SIRT5: variants seen among roughly 807,000 people sequenced by gnomAD.
SIRT5 encodes the protein sirtuin 5.
A neutral mutation model predicts 40.0 loss-of-function variants in SIRT5; 26 were observed. That is an observed-to-expected ratio of 0.65 (90% confidence interval 0.48 to 0.90). The LOEUF is 0.90. Among genes scored for constraint, SIRT5 ranks in the 40% least tolerant of loss-of-function variants. The pLI, the probability that SIRT5 is intolerant of heterozygous loss-of-function variation, is 0.00. For missense variants in SIRT5, 401 were observed against 402.4 expected (o/e 1.00, Z 0.03); for synonymous variants, 146 against 149.1 (o/e 0.98, Z 0.15).
intron 4 of SIRT5, among the ~76,000 whole-genome samples, chr6:13,590,427 CTGTG>C (rs1410902142): frequency 1.3e-5 from 2 of 151,900 alleles, no homozygotes; most frequent in East Asian, 1.9e-4. Context: ...TTATGTGTAG[CTGTG>C]TGTGTTTAGT....
intron 3 of SIRT5, among the ~76,000 whole-genome samples, chr6:13,586,176 T>C (rs962474454): frequency 6.6e-6 from 1 of 152,218 alleles, no homozygotes; most frequent in Admixed American, 6.5e-5. Flanking sequence ...TCAAAAATAT[T>C]CTCTCATTCT....
chr6:13,611,696 G>A (rs1305685358), intron 9 of SIRT5, 94 bp from the exon 10 acceptor site: 13 of 907,480 alleles, frequency 1.4e-5, no homozygotes, highest in East Asian at 1.2e-4. Flanking sequence ...GTTTTACTTC[G>A]GCTATTACTT....
chr6:13,607,965 G>C lies in SIRT5; in HGVS notation c.858-3825G>C, dbSNP rs545080934. Among the ~76,000 whole-genome samples the C allele has an allele frequency of 2.0e-5, 3 of 151,798 alleles. No individual in the cohort carries two copies. Among genetic ancestry groups the C allele is most frequent in the Non-Finnish European group, 2.9e-5 (2 of 67,980 alleles). On this transcript the variant is annotated intron_variant, in intron 9 of 9. Coordinates refer to ENST00000606117, the MANE Select transcript of SIRT5 (RefSeq NM_012241.5). The surrounding 1 kb of genome is among the most constrained non-coding windows in gnomAD (Gnocchi z 4.0). ...AGTAGAGACGGGTTTTCACCACATT[G>C]CCCAGGCTGGTCTCAAACTACTGAC...
chr6:13,584,117 CCT>C lies in SIRT5; in HGVS notation c.11_12del (p.Leu4ProfsTer58). On this transcript the variant is annotated frameshift_variant, in exon 3 of 10. Transcript: ENST00000606117. LOFTEE classifies it high-confidence loss of function. Reference protein sequence around the residue: MRPLQIVPSRLIS... With the variant: MRXLQIVPSRLIS... The stretch of plus-strand genomic sequence containing the variant: ...GAACTACAGACAAACCCTGATGCGA[CCT>C]CTCCAGATTGTCCCAAGTCGATTGA... The C allele has an allele frequency of 6.2e-7, 1 of 1,613,864 alleles. No individual in the cohort carries two copies. Among genetic ancestry groups the C allele is most frequent in the Non-Finnish European group, 8.5e-7 (1 of 1,179,768 alleles).
intron 6 of SIRT5, among the ~76,000 whole-genome samples, chr6:13,595,822 C>T (rs1001395308): frequency 2.0e-5 from 3 of 151,836 alleles, no homozygotes; most frequent in African/African-American, 7.3e-5. Flanking sequence ...AAAAACAAAA[C>T]AAAACAAAAA....
chr6:13,586,617 T>C (rs548033814), intron 3 of SIRT5, among the ~76,000 whole-genome samples: 1 of 152,298 alleles, frequency 6.6e-6, no homozygotes, highest in South Asian at 2.1e-4. Context: ...TCTCTCAGCC[T>C]TGTGCTGCCA....
At chr6:13,588,308 G>A (rs771048155) in intron 3 of SIRT5, 23 bp from the exon 4 acceptor site, 1 of 1,609,424 alleles carries the variant, frequency 6.2e-7, no homozygotes, top group African/African-American at 1.3e-5. Context: ...ACACTGGATT[G>A]ATAAAGATTT....
chr6:13,575,875 G>T (rs1758562939), intron 1 of SIRT5, among the ~76,000 whole-genome samples: 1 of 152,046 alleles, frequency 6.6e-6, no homozygotes, highest in African/African-American at 2.4e-5. Flanking sequence ...AACTTTTTTA[G>T]ACCCCAAGTA....
rs1041923948 is a variant in SIRT5, at chr6:13,577,711, A to G, written c.-194-1740A>G. Among the ~76,000 whole-genome samples, 4 of 148,460 alleles carry G rather than the reference A, an allele frequency of 2.7e-5. No homozygotes were observed. The South Asian group carries it at 8.3e-4, about 31-fold the overall frequency. On this transcript the variant is annotated intron_variant, in intron 1 of 9. Coordinates refer to ENST00000606117, the MANE Select transcript of SIRT5 (RefSeq NM_012241.5). ...TATATCTTATATACATAGATATTAT[A>G]TATCTATATTTTATATACATATCTA... is the stretch of plus-strand genomic sequence containing the variant.
chr6:13,598,473 A>G (rs1185728550), intron 7 of SIRT5, among the ~76,000 whole-genome samples: 3 of 152,182 alleles, frequency 2.0e-5, no homozygotes, highest in Non-Finnish European at 4.4e-5. Flanking sequence ...TAATGAATGA[A>G]CTGGGAAAGC....
chr6:13,605,682 G>A lies in SIRT5; in HGVS notation c.857+4733G>A, dbSNP rs543953625. ...TTCCCCATGTCCGATGCTTATATTG[G>A]ATGATTTCTGATAAACCCTGACTAT... On this transcript the variant is annotated intron_variant, in intron 9 of 9. Transcript: ENST00000606117. 3.0e-6 allele frequency: 3 copies of A among 985,426 alleles called. No homozygotes were observed. In the South Asian group the frequency reaches 1.4e-4, roughly 46 times the overall value. The allele number at this position is 985,426 out of a possible 1,614,324, so 61.0% of individuals were successfully genotyped here. A position where few individuals can be genotyped will look rare whatever the true frequency, so the allele number is the denominator to read the frequency against.
At chr6:13,577,950 G>A (rs1758837791) in intron 1 of SIRT5, among the ~76,000 whole-genome samples, 1 of 152,042 alleles carries the variant, frequency 6.6e-6, no homozygotes, top group African/African-American at 2.4e-5. Flanking sequence ...TTAGCTGTGA[G>A]TTTGTCATAT....
intron 1 of SIRT5, among the ~76,000 whole-genome samples, chr6:13,579,080 T>A (rs1486868874): frequency 6.6e-6 from 1 of 152,216 alleles, no homozygotes; most frequent in African/African-American, 2.4e-5. Flanking sequence ...CTTCTGACAT[T>A]GCTTCTAAAT....
At chr6:13,574,991 GTAGT>G (rs1562257322) in intron 1 of SIRT5, among the ~76,000 whole-genome samples, 1 of 152,170 alleles carries the variant, frequency 6.6e-6, no homozygotes, top group East Asian at 1.9e-4. Context: ...GATTCCGGAC[GTAGT>G]TTGAAGGTGG....
chr6:13,604,570 A>G (rs1292447324), intron 9 of SIRT5: 2 of 1,582,234 alleles, frequency 1.3e-6, no homozygotes, highest in Non-Finnish European at 1.7e-6. Flanking sequence ...GAAAAAGAAG[A>G]AAATAAAACT....
chr6:13,595,817 C>A (rs563564925), intron 6 of SIRT5, among the ~76,000 whole-genome samples: 107 of 152,046 alleles, frequency 7.0e-4, no homozygotes, highest in African/African-American at 2.4e-3. Context: ...TACAAAAAAA[C>A]AAAACAAAAC....
At chr6:13,604,831 G>T in intron 9 of SIRT5, 2 of 1,081,144 alleles carry the variant, frequency 1.8e-6, no homozygotes, top group Non-Finnish European at 2.2e-6. Flanking sequence ...GCTTCATATT[G>T]TCTTGAAAAC....
intron 9 of SIRT5, among the ~76,000 whole-genome samples, chr6:13,610,478 G>A (rs1305724886): frequency 3.9e-5 from 6 of 152,100 alleles, no homozygotes; most frequent in Non-Finnish European, 8.8e-5. Context: ...TATTCCAGAC[G>A]TCCCTCTATT....
In SIRT5 at chr6:13,598,671, A is replaced by G. The variant is rs183407220; in HGVS notation, c.618-361A>G. ...GTGGTGAAACATGTCTCTACTAAGA[A>G]TACGAAAATTAGCTGGGTGTGGTCA... On this transcript the variant is annotated intron_variant, in intron 7 of 9. Coordinates refer to ENST00000606117, the MANE Select transcript of SIRT5 (RefSeq NM_012241.5). 3.9e-4 allele frequency among the ~76,000 whole-genome samples: 59 copies of G among 152,164 alleles called. No individual in the cohort carries two copies. The East Asian group carries it at 7.2e-3, about 18-fold the overall frequency.
Sources: allele counts gnomAD v4.1 joint callset (sites outside exome capture counted in the v4.1 genomes callset), GRCh38; gene constraint gnomAD v4.1.1; non-coding constraint Gnocchi (gnomAD v3.1); transcripts MANE v1.5; gene names NCBI Gene and HGNC (gene_info 2026-07-23, HGNC 2026-07-21).